The following ASIC2 variants were observed in gnomAD, a reference collection of about 807,000 sequenced individuals.
ASIC2 encodes the protein acid sensing ion channel subunit 2.
ASIC2 carries 25 observed loss-of-function variants against 57.3 expected under a neutral mutation model. The ratio of observed to expected loss-of-function variants is 0.44; its 90% CI spans 0.32 to 0.61. ASIC2 has a LOEUF of 0.61. Among genes scored for constraint, ASIC2 ranks in the 20% least tolerant of loss-of-function variants. ASIC2 has a pLI of 0.06. For missense variants in ASIC2, 641 were observed against 738.1 expected (o/e 0.87, Z 1.52); for synonymous variants, 319 against 307.5 (o/e 1.04, Z -0.39).
At chr17:33,099,248 C>T (rs1245080339) in intron 2 of ASIC2, among the ~76,000 whole-genome samples, 1 of 152,016 alleles carries the variant, frequency 6.6e-6, no homozygotes, top group Non-Finnish European at 1.5e-5. Context: ...AACTCCTGAC[C>T]TCAGGCGATC....
At chr17:33,030,060 A>G (rs1044210289) in intron 3 of ASIC2, among the ~76,000 whole-genome samples, 30 of 152,212 alleles carry the variant, frequency 2.0e-4, no homozygotes, top group African/African-American at 7.2e-4. Context: ...TTTTGTCCAT[A>G]CCACCTATAG....
chr17:33,995,541 GAAC>G (rs1438653267), intron 1 of ASIC2, among the ~76,000 whole-genome samples: 1 of 151,982 alleles, frequency 6.6e-6, no homozygotes, highest in African/African-American at 2.4e-5. Flanking sequence ...CTTTATGGAA[GAAC>G]AACTGATGAA....
chr17:33,549,137 G>A (rs992607030), intron 1 of ASIC2, among the ~76,000 whole-genome samples: 14 of 152,182 alleles, frequency 9.2e-5, no homozygotes, highest in East Asian at 1.9e-4. Flanking sequence ...AACAGTGCCC[G>A]GGACATGGCA....
chr17:34,075,150 G>A (rs1384242404), intron 1 of ASIC2, among the ~76,000 whole-genome samples: 2 of 152,164 alleles, frequency 1.3e-5, no homozygotes, highest in African/African-American at 4.8e-5. Context: ...TGAGAGAGGA[G>A]AAGTCAGCAC....
At chr17:33,979,899 G>C (rs1905550554) in intron 1 of ASIC2, among the ~76,000 whole-genome samples, 1 of 152,106 alleles carries the variant, frequency 6.6e-6, no homozygotes, top group East Asian at 1.9e-4. Flanking sequence ...ACATAGAAGA[G>C]TCTCAAGTGG....
At chr17:33,314,831 A>T (rs889017688) in intron 1 of ASIC2, among the ~76,000 whole-genome samples, 2 of 152,196 alleles carry the variant, frequency 1.3e-5, no homozygotes, top group African/African-American at 4.8e-5. Context: ...GTGGATGTTT[A>T]GTCTTGTCAA....
intron 1 of ASIC2, among the ~76,000 whole-genome samples, chr17:34,010,094 G>A (rs1005477965): frequency 7.2e-5 from 11 of 152,192 alleles, no homozygotes; most frequent in African/African-American, 2.7e-4. Context: ...AGTATCAGGG[G>A]AGGCTCCACG....
chr17:33,037,130 C>CA (rs35845015), intron 3 of ASIC2, among the ~76,000 whole-genome samples: 4,763 of 125,500 alleles, frequency 0.038, 306 homozygotes, highest in African/African-American at 0.12. Context: ...GGTGTGGTAG[C>CA]AAAAAAAAAA....
chr17:33,151,712 T>A (rs1904806591), intron 1 of ASIC2, among the ~76,000 whole-genome samples: 1 of 152,226 alleles, frequency 6.6e-6, no homozygotes. Flanking sequence ...CCCTCTCATG[T>A]GTGCTCTCTT....
At chr17:34,125,160 C>T (rs1044641387) in intron 1 of ASIC2, among the ~76,000 whole-genome samples, 4 of 151,916 alleles carry the variant, frequency 2.6e-5, no homozygotes, top group African/African-American at 7.3e-5. Flanking sequence ...CTTGCATGCC[C>T]TCACCACAGT....
chr17:33,021,179 C>T (rs746089551), intron 7 of ASIC2, 40 bp downstream of exon 7: 4 of 914,052 alleles, frequency 4.4e-6, no homozygotes, highest in Non-Finnish European at 5.3e-6. Flanking sequence ...CTCCCACCCT[C>T]TATGAGATGT....
At position 33,232,399 on chromosome 17, in the gene ASIC2, G is replaced by A. The variant is rs183752927; in HGVS notation, c.708+59009C>T. Among the ~76,000 whole-genome samples the A allele has an allele frequency of 3.9e-3, 586 of 150,876 alleles. 4 individuals carry two copies. The highest frequency in any genetic ancestry group is 0.013 in the African/African-American group (516 of 40,492). Reference sequence around the variant, plus strand: ...GTCTATGGTATGGCAGCCTAGGTATGGTATGGAATGGTATGGTATGGTATG... The same window carrying A: ...GTCTATGGTATGGCAGCCTAGGTATAGTATGGAATGGTATGGTATGGTATG... On this transcript the variant is annotated intron_variant, in intron 1 of 9. Transcript: ENST00000225823.
intron 1 of ASIC2, among the ~76,000 whole-genome samples, chr17:33,148,451 A>G (rs556854891): frequency 1.0e-3 from 154 of 152,334 alleles, no homozygotes; most frequent in Non-Finnish European, 1.7e-3. Context: ...AGGATGTGCG[A>G]GAAGAAGCAC....
intron 1 of ASIC2, among the ~76,000 whole-genome samples, chr17:33,963,144 C>T (rs991972964): frequency 6.6e-6 from 1 of 152,172 alleles, no homozygotes; most frequent in South Asian, 2.1e-4. Context: ...CAGCTCATAA[C>T]TGCAGGAGTC....
chr17:33,188,570 C>T (rs1270196604), intron 1 of ASIC2, among the ~76,000 whole-genome samples: 1 of 151,980 alleles, frequency 6.6e-6, no homozygotes, highest in African/African-American at 2.4e-5. Context: ...AAGCCAGAAA[C>T]AAAGACACAT....
At chr17:33,925,897 C>T (rs1567758001) in intron 1 of ASIC2, among the ~76,000 whole-genome samples, 1 of 152,176 alleles carries the variant, frequency 6.6e-6, no homozygotes, top group Non-Finnish European at 1.5e-5. Flanking sequence ...AAGATCTGAG[C>T]TATAGCAATA....
intron 1 of ASIC2, among the ~76,000 whole-genome samples, chr17:34,011,899 C>G (rs1160698397): frequency 6.6e-6 from 1 of 152,338 alleles, no homozygotes; most frequent in Non-Finnish European, 1.5e-5. Context: ...AGGTCCTGGC[C>G]TCAGCCCTCA....
chr17:33,739,062 A>C (rs1205714065), intron 1 of ASIC2, among the ~76,000 whole-genome samples: 7 of 152,248 alleles, frequency 4.6e-5, no homozygotes, highest in Non-Finnish European at 1.0e-4. Flanking sequence ...AAGGTTGACA[A>C]AATGGCAGTG....
intron 1 of ASIC2, among the ~76,000 whole-genome samples, chr17:33,464,474 T>TC: frequency 1.2e-5 from 1 of 86,134 alleles, no homozygotes; most frequent in East Asian, 2.9e-4. Flanking sequence ...TTTCTTTCTT[T>TC]CTTTTCTCTC....
Sources: allele counts gnomAD v4.1 joint callset (sites outside exome capture counted in the v4.1 genomes callset), GRCh38; gene constraint gnomAD v4.1.1; transcripts MANE v1.5; gene names NCBI Gene and HGNC (gene_info 2026-07-23, HGNC 2026-07-21).